The following NPAS2 variants were observed in gnomAD, a reference collection of about 807,000 sequenced individuals.
The protein encoded by NPAS2 is neuronal PAS domain protein 2.
In NPAS2, 23 loss-of-function variants were observed where a neutral mutation model predicts 107.5. The observed-to-expected ratio is 0.21, with a 90% CI of 0.15 to 0.30. NPAS2 has a LOEUF of 0.30. NPAS2 is among the 10% of genes least tolerant of loss of function. The pLI, the probability that NPAS2 is intolerant of heterozygous loss-of-function variation, is 1.00. For synonymous variants in NPAS2, 403 were observed against 417.5 expected (o/e 0.97, Z 0.42); for missense variants, 756 against 1,043.3 (o/e 0.72, Z 3.79).
intron 1 of NPAS2, among the ~76,000 whole-genome samples, chr2:100,851,519 C>A (rs138746001): frequency 9.2e-5 from 14 of 152,128 alleles, no homozygotes; most frequent in Non-Finnish European, 1.8e-4. Flanking sequence ...TACTAACCAG[C>A]GTTGTTCATG....
chr2:100,903,889 T>C (rs2104769883), intron 1 of NPAS2, among the ~76,000 whole-genome samples: 1 of 151,640 alleles, frequency 6.6e-6, no homozygotes, highest in South Asian at 2.1e-4. Flanking sequence ...CTCTGAGGGG[T>C]GGAGGGAACC....
chr2:100,947,338 G>A (rs1366333398), intron 5 of NPAS2, among the ~76,000 whole-genome samples: 3 of 152,204 alleles, frequency 2.0e-5, no homozygotes, highest in Middle Eastern at 6.8e-3. Context: ...ATCACCTGAG[G>A]TCAGGAGTTC....
upstream of NPAS2, chr2:100,820,063 A>G (rs1573387837): frequency 9.8e-6 from 1 of 101,864 alleles, no homozygotes; most frequent in South Asian, 3.5e-4. The surrounding 1 kb of genome is among the most constrained non-coding windows in gnomAD (Gnocchi z 5.6). Context: ...TAGGAGGGGG[A>G]GGTGGAGAGG....
intron 1 of NPAS2, among the ~76,000 whole-genome samples, chr2:100,837,712 T>A (rs1677155619): frequency 6.6e-6 from 1 of 152,218 alleles, no homozygotes; most frequent in African/African-American, 2.4e-5. Flanking sequence ...CTAATCTGAT[T>A]GAAGATAAAT....
chr2:100,926,033 C>T (rs1683539281), intron 3 of NPAS2, among the ~76,000 whole-genome samples: 3 of 152,176 alleles, frequency 2.0e-5, no homozygotes. Flanking sequence ...CAAGTAGAAT[C>T]ATACGGTATG....
intron 5 of NPAS2, among the ~76,000 whole-genome samples, chr2:100,946,629 G>A (rs1674914579): frequency 6.6e-6 from 1 of 152,190 alleles, no homozygotes; most frequent in South Asian, 2.1e-4. Flanking sequence ...TGGAGCAGTC[G>A]GAAGCCAAGG....
At chr2:100,905,458 G>T (rs1425970742) in intron 2 of NPAS2, among the ~76,000 whole-genome samples, 1 of 151,656 alleles carries the variant, frequency 6.6e-6, no homozygotes, top group East Asian at 1.9e-4. Context: ...CATTGAGAGG[G>T]TCAGGAACAG....
chr2:100,890,403 G>C (rs1573554708), intron 1 of NPAS2, among the ~76,000 whole-genome samples: 2 of 152,236 alleles, frequency 1.3e-5, no homozygotes, highest in South Asian at 2.1e-4. Flanking sequence ...TTCTACCCCT[G>C]AATGCACCTC....
Position 100,993,515 on chromosome 2 carries a change from G to A in NPAS2, c.2280G>A (p.Gln760=), listed in dbSNP as rs1205776191. The change falls in exon 20 of 21, where the codon CAG becomes CAA. Residue 760 remains glutamine (Q), a synonymous_variant. Transcript: ENST00000335681. ...CACAGGCCCGGCAGCAGCCACCGCA[G>A]CACTACCTGCAGGTGGGTGCCACGG... The part of the protein sequence containing the change: ...QPAQARQQPP[Q]HYLQVQAPTS... The A allele has an allele frequency of 2.3e-5, 36 of 1,572,204 alleles. 1 individual carries two copies. The highest frequency in any genetic ancestry group is 2.9e-5 in the Non-Finnish European group (34 of 1,158,794).
chr2:100,904,629 C>A, intron 1 of NPAS2, 104 bp from the exon 2 acceptor site: 1 of 833,930 alleles, frequency 1.2e-6, no homozygotes, highest in South Asian at 1.8e-5. Flanking sequence ...TTGAGAACCA[C>A]TGGGCTAAGA....
chr2:100,831,918 A>C (rs3849379), intron 1 of NPAS2, among the ~76,000 whole-genome samples: 1 of 151,674 alleles, frequency 6.6e-6, no homozygotes, highest in African/African-American at 2.4e-5. Context: ...CTGCAAACCC[A>C]TATTCTTTTT....
At chr2:100,881,229 C>T (rs1239261352) in intron 1 of NPAS2, among the ~76,000 whole-genome samples, 1 of 152,240 alleles carries the variant, frequency 6.6e-6, no homozygotes, top group Non-Finnish European at 1.5e-5. Flanking sequence ...GTGGTGCCTG[C>T]GAGCCTAGGA....
At chr2:100,935,510 G>A (rs1252351919) in intron 4 of NPAS2, among the ~76,000 whole-genome samples, 1 of 152,168 alleles carries the variant, frequency 6.6e-6, no homozygotes, top group Non-Finnish European at 1.5e-5. Flanking sequence ...ACCACAGCCA[G>A]CTTTCTTAAA....
At chr2:100,977,647 A>T in intron 14 of NPAS2, 63 bp from the exon 15 acceptor site, 1 of 1,434,684 alleles carries the variant, frequency 7.0e-7, no homozygotes, top group Non-Finnish European at 9.8e-7. Flanking sequence ...GGACCAAGAG[A>T]CCACATCCCT....
intron 5 of NPAS2, among the ~76,000 whole-genome samples, chr2:100,946,997 G>A (rs1469961471): frequency 6.6e-6 from 1 of 152,196 alleles, no homozygotes; most frequent in African/African-American, 2.4e-5. Context: ...GAATGCCGAT[G>A]TTCAGGACAT....
At chr2:100,946,750 G>A (rs1674920436) in intron 5 of NPAS2, among the ~76,000 whole-genome samples, 1 of 152,188 alleles carries the variant, frequency 6.6e-6, no homozygotes, top group Non-Finnish European at 1.5e-5. Context: ...TCATTCCCAG[G>A]CAAGAGAGGA....
chr2:100,990,887 G>T lies in NPAS2; in HGVS notation c.2111+15G>T. On this transcript the variant is annotated intron_variant, in intron 19 of 20. Coordinates refer to ENST00000335681, the MANE Select transcript of NPAS2 (RefSeq NM_002518.4). ...CGGCAAGTCAAGTACGTGGACCCTG[G>T]CGGGAGGCAGGAGGCAAGCGCTGGT... 7 of 1,611,194 alleles carry T rather than the reference G, an allele frequency of 4.3e-6. No homozygotes were observed. The highest frequency in any genetic ancestry group is 5.9e-6 in the Non-Finnish European group (7 of 1,177,454).
intron 4 of NPAS2, 60 bp downstream of exon 4, chr2:100,933,061 C>A: frequency 7.9e-7 from 1 of 1,259,848 alleles, no homozygotes; most frequent in Non-Finnish European, 1.2e-6. Context: ...CTACTTGTTG[C>A]AGATAAGTCC....
At chr2:100,930,611 G>A (rs548276700) in intron 3 of NPAS2, among the ~76,000 whole-genome samples, 23 of 132,864 alleles carry the variant, frequency 1.7e-4, no homozygotes, top group Non-Finnish European at 3.3e-4. Context: ...TCGAGACATC[G>A]TATCTAACAT....
Sources: allele counts gnomAD v4.1 joint callset (sites outside exome capture counted in the v4.1 genomes callset), GRCh38; gene constraint gnomAD v4.1.1; non-coding constraint Gnocchi (gnomAD v3.1); transcripts MANE v1.5; gene names NCBI Gene and HGNC (gene_info 2026-07-23, HGNC 2026-07-21).